FAF1: variants seen among roughly 807,000 people sequenced by gnomAD.
The protein encoded by FAF1 is Fas associated factor 1.
FAF1 carries 25 observed loss-of-function variants against 92.5 expected under a neutral mutation model. The ratio of observed to expected loss-of-function variants is 0.27; its 90% confidence interval spans 0.20 to 0.38. The LOEUF (loss-of-function observed/expected upper bound fraction) is 0.38. Among genes scored for constraint, FAF1 ranks in the 10% least tolerant of loss-of-function variants. The pLI is 1.00. For missense variants in FAF1, 636 were observed against 793.3 expected (o/e 0.80, Z 2.38); for synonymous variants, 234 against 273.2 (o/e 0.86, Z 1.42).
intron 9 of FAF1, among the ~76,000 whole-genome samples, chr1:50,587,538 T>A (rs1217603998): frequency 6.6e-6 from 1 of 152,194 alleles, no homozygotes; most frequent in Admixed American, 6.5e-5. Flanking sequence ...TGTTTGCTGA[T>A]GAGAATAGAT....
In FAF1 at chr1:50,866,973, A is replaced by G. The variant is rs759793972; in HGVS notation, c.46-8976T>C. ...GCTATGGTCACCAAAACATCATGGT[A>G]CTGGTATAAAAATAGGCATATAGAC... On this transcript the variant is annotated intron_variant, in intron 1 of 18. Coordinates refer to ENST00000396153, the MANE Select transcript of FAF1 (RefSeq NM_007051.3). Among the ~76,000 whole-genome samples the G allele has an allele frequency of 3.9e-5, 6 of 152,212 alleles. No homozygotes were observed. The South Asian group carries it at 8.3e-4, about 21-fold the overall frequency.
At chr1:50,603,053 G>C (rs1434882703) in intron 8 of FAF1, among the ~76,000 whole-genome samples, 1 of 152,168 alleles carries the variant, frequency 6.6e-6, no homozygotes, top group Non-Finnish European at 1.5e-5. Flanking sequence ...AACAGGTACT[G>C]ACTGGTGAAC....
At chr1:50,575,688 T>C (rs1323160798) in intron 12 of FAF1, among the ~76,000 whole-genome samples, 1 of 152,210 alleles carries the variant, frequency 6.6e-6, no homozygotes, top group Non-Finnish European at 1.5e-5. Flanking sequence ...AAAATTACTA[T>C]AAAAGACATT....
intron 6 of FAF1, 55 bp from the exon 7 acceptor site, chr1:50,705,946 C>T: frequency 1.8e-6 from 2 of 1,087,160 alleles, no homozygotes; most frequent in Non-Finnish European, 2.8e-6. Context: ...TTCTAGCTTG[C>T]TTTACAGCTA....
intron 1 of FAF1, among the ~76,000 whole-genome samples, chr1:50,922,815 C>A: frequency 8.3e-6 from 1 of 120,144 alleles, no homozygotes; most frequent in Non-Finnish European, 1.7e-5. Context: ...CGAGAATCCA[C>A]CACAAAAAAA....
chr1:50,459,864 G>A (rs1421412722), intron 18 of FAF1, among the ~76,000 whole-genome samples: 1 of 152,172 alleles, frequency 6.6e-6, no homozygotes, highest in Non-Finnish European at 1.5e-5. Context: ...TGTATAAGCC[G>A]CTTGGCAGCT....
intron 15 of FAF1, among the ~76,000 whole-genome samples, chr1:50,522,758 T>C (rs919259862): frequency 6.6e-6 from 1 of 152,218 alleles, no homozygotes. Context: ...TTTATTATTA[T>C]TGTAAAATAT....
rs905562160 is a variant in FAF1 at position 50,498,828 on chromosome 1, C to T, written c.1495-7027G>A. On this transcript the variant is annotated intron_variant, in intron 15 of 18. Transcript: ENST00000396153. ...TCGTGCCACTGCACTCCAGCATGGG[C>T]GACAGAGCGAACCTCTGTCTCAAAA... Among the ~76,000 whole-genome samples the T allele has an allele frequency of 7.5e-5, 11 of 146,030 alleles. No individual in the cohort carries two copies. The East Asian group carries it at 8.0e-4, about 11-fold the overall frequency.
At chr1:50,947,946 T>C (rs1382953053) in intron 1 of FAF1, among the ~76,000 whole-genome samples, 2 of 152,196 alleles carry the variant, frequency 1.3e-5, no homozygotes, top group Non-Finnish European at 2.9e-5. Flanking sequence ...TTTTACTAGA[T>C]ACTGTAGGAA....
intron 4 of FAF1, among the ~76,000 whole-genome samples, chr1:50,750,912 C>T (rs12565378): frequency 0.29 from 43,868 of 150,736 alleles, 6,721 homozygotes; most frequent in Middle Eastern, 0.48. Context: ...CATGAGCCAC[C>T]GCACCTGGCC....
At chr1:50,760,388 T>A (rs1044622558) in intron 4 of FAF1, among the ~76,000 whole-genome samples, 7 of 152,156 alleles carry the variant, frequency 4.6e-5, no homozygotes, top group African/African-American at 1.7e-4. Flanking sequence ...ACATACATTT[T>A]TTTCAGCACC....
At chr1:50,690,839 G>A (rs1487974507) in intron 7 of FAF1, among the ~76,000 whole-genome samples, 1 of 151,972 alleles carries the variant, frequency 6.6e-6, no homozygotes, top group African/African-American at 2.4e-5. Flanking sequence ...TATAATATGT[G>A]GCTTTTTGTG....
intron 2 of FAF1, among the ~76,000 whole-genome samples, chr1:50,853,205 T>C (rs1214947906): frequency 6.6e-6 from 1 of 152,102 alleles, no homozygotes; most frequent in Non-Finnish European, 1.5e-5. Context: ...CTGAGCAGAG[T>C]AGTGGAACTG....
chr1:50,643,892 A>G (rs1654460241), intron 8 of FAF1, among the ~76,000 whole-genome samples: 1 of 150,920 alleles, frequency 6.6e-6, no homozygotes, highest in Non-Finnish European at 1.5e-5. Context: ...CGCTGCCCCC[A>G]CTCCCACCCT....
chr1:50,443,751 G>A (rs1267686026), intron 18 of FAF1, among the ~76,000 whole-genome samples: 1 of 152,196 alleles, frequency 6.6e-6, no homozygotes, highest in Non-Finnish European at 1.5e-5. Context: ...CAGTGTCTGA[G>A]CCAATGAGTA....
rs1658280283 is a variant in FAF1 at position 50,718,429 on chromosome 1, T to G, written c.552-12538A>C. On this transcript the variant is annotated intron_variant, in intron 6 of 18. Transcript: ENST00000396153. ...ACTGACAAATATGAGCTCTCAGCAG[T>G]GAAATTATACTTCTCAAATCAGTGC... 2.6e-5 allele frequency among the ~76,000 whole-genome samples: 4 copies of G among 152,198 alleles called. No homozygotes were observed. In the South Asian group the frequency reaches 8.3e-4, roughly 32 times the overall value.
chr1:50,845,916 A>G lies in FAF1; in HGVS notation c.114+12013T>C, dbSNP rs546865567. The stretch of plus-strand genomic sequence containing the variant: ...GACGGGTGGATCACCTGAGGTCAGG[A>G]GTTCGAGAACAACCTGGCCAACATG... On this transcript the variant is annotated intron_variant, in intron 2 of 18. Transcript: ENST00000396153. Among the ~76,000 whole-genome samples the G allele has an allele frequency of 1.1e-4, 16 of 152,200 alleles. No individual in the cohort carries two copies. In the South Asian group the frequency reaches 3.3e-3, roughly 32 times the overall value.
At chr1:50,552,069 C>T (rs767825235) in intron 13 of FAF1, among the ~76,000 whole-genome samples, 44 of 151,950 alleles carry the variant, frequency 2.9e-4, no homozygotes, top group Non-Finnish European at 3.7e-4. Flanking sequence ...CCAAGGCGGG[C>T]GGATCACCTG....
chr1:50,668,637 A>C (rs1056295275), intron 7 of FAF1, among the ~76,000 whole-genome samples: 2 of 152,216 alleles, frequency 1.3e-5, no homozygotes, highest in Non-Finnish European at 2.9e-5. Flanking sequence ...CTATGAAAGA[A>C]AGTCTACTAC....
Sources: gnomAD v4.1 joint callset for allele counts (sites outside exome capture counted in the v4.1 genomes callset) on GRCh38, gnomAD v4.1.1 for gene constraint, MANE v1.5 for transcripts, NCBI Gene and HGNC (gene_info 2026-07-23, HGNC 2026-07-21) for gene names.